Variants in DGKD observed in about 807,000 individuals in gnomAD.
DGKD encodes the protein diacylglycerol kinase delta, also known as DAG kinase delta.
In DGKD, 68 loss-of-function variants were observed where a neutral mutation model predicts 154.4. The observed-to-expected ratio is 0.44, with a 90% CI of 0.36 to 0.54. DGKD has a LOEUF of 0.54. Ranked by LOEUF, DGKD falls within the 20% of genes least tolerant of loss-of-function variation. DGKD has a pLI of 0.00. For missense variants in DGKD, 1,343 were observed against 1,593.6 expected (o/e 0.84, Z 2.68); for synonymous variants, 693 against 638.0 (o/e 1.09, Z -1.30).
chr2:233,462,840 C>T (rs1022983136), intron 26 of DGKD, 105 bp downstream of exon 26: 10 of 1,038,500 alleles, frequency 9.6e-6, no homozygotes, highest in African/African-American at 4.8e-5. Flanking sequence ...CCAGAGTTCC[C>T]GGTCTTAAGG....
At chr2:233,356,694 G>A (rs892390014) in intron 1 of DGKD, among the ~76,000 whole-genome samples, 19 of 152,244 alleles carry the variant, frequency 1.2e-4, no homozygotes, top group Middle Eastern at 3.4e-3. Flanking sequence ...AATACACCCC[G>A]AGGACTTAGA....
intron 3 of DGKD, chr2:233,429,382 C>A (rs1024595929): frequency 1.1e-6 from 1 of 943,542 alleles, no homozygotes; most frequent in African/African-American, 1.8e-5. Context: ...GTGAACAGTT[C>A]GGGACGTGTG....
intron 3 of DGKD, among the ~76,000 whole-genome samples, chr2:233,418,675 G>C (rs1441693898): frequency 6.6e-6 from 1 of 152,242 alleles, no homozygotes; most frequent in Non-Finnish European, 1.5e-5. Flanking sequence ...GCCTTGCTCT[G>C]ACTGTGCTGT....
chr2:233,430,644 A>G (rs553403940), intron 3 of DGKD, among the ~76,000 whole-genome samples: 1 of 152,250 alleles, frequency 6.6e-6, no homozygotes, highest in African/African-American at 2.4e-5. Context: ...TTGTTTGTAG[A>G]TTTGACTTTG....
rs1049877376 is a variant in DGKD at position 233,449,533 on chromosome 2, G to A, written c.1888+157G>A. 2.6e-5 allele frequency among the ~76,000 whole-genome samples: 4 copies of A among 152,058 alleles called. No individual in the cohort carries two copies. The highest frequency in any genetic ancestry group is 9.7e-5 in the African/African-American group (4 of 41,412). ...CAGGCACCAGACCCCCAACGAGTTCGCTTGCCCTCCTTCCACCCCTCCTCT... is the reference window on the plus strand; with the variant it reads ...CAGGCACCAGACCCCCAACGAGTTCACTTGCCCTCCTTCCACCCCTCCTCT... On this transcript the variant is annotated intron_variant, in intron 15 of 29. Transcript: ENST00000264057. The surrounding 1 kb of genome is among the most constrained non-coding windows in gnomAD (Gnocchi z 5.3).
At position 233,363,764 on chromosome 2, in the gene DGKD, C is replaced by T. The variant is rs142835480; in HGVS notation, c.156+9090C>T. 6.6e-5 allele frequency among the ~76,000 whole-genome samples: 10 copies of T among 152,282 alleles called. 1 individual carries two copies. The highest frequency in any genetic ancestry group is 6.2e-4 in the South Asian group (3 of 4,826). On this transcript the variant is annotated intron_variant, in intron 1 of 29. Transcript: ENST00000264057. ...TTCTATGTTTAGTTATATTTAGATA[C>T]GCAAATACTTGCCGTTGAGTTATAG...
intron 4 of DGKD, 140 bp from the exon 5 acceptor site, chr2:233,434,629 T>C: frequency 2.1e-6 from 3 of 1,458,646 alleles, no homozygotes; most frequent in South Asian, 2.4e-5. Flanking sequence ...AGCTTATTGC[T>C]TGTCCTCTCA....
intron 1 of DGKD, among the ~76,000 whole-genome samples, chr2:233,376,153 G>A (rs141263965): frequency 2.6e-5 from 4 of 152,170 alleles, no homozygotes; most frequent in African/African-American, 9.6e-5. Flanking sequence ...GGTTTGTTTC[G>A]CCTTTGGTGT....
At chr2:233,455,770 C>CA (rs757234157) in intron 19 of DGKD, among the ~76,000 whole-genome samples, 18 of 152,250 alleles carry the variant, frequency 1.2e-4, no homozygotes, top group African/African-American at 1.7e-4. Context: ...GCCATGCTGA[C>CA]ACCTGAGGGT....
intron 3 of DGKD, among the ~76,000 whole-genome samples, chr2:233,402,082 G>A (rs537334081): frequency 6.6e-6 from 1 of 151,966 alleles, no homozygotes; most frequent in Non-Finnish European, 1.5e-5. Flanking sequence ...CTGTGTGTAC[G>A]GGTCACCTGC....
chr2:233,376,828 A>C (rs529307951), intron 1 of DGKD, among the ~76,000 whole-genome samples: 6 of 152,246 alleles, frequency 3.9e-5, no homozygotes, highest in Admixed American at 2.0e-4. Context: ...AGCAAGTCAG[A>C]GCTCAGCCTC....
chr2:233,366,583 C>A (rs532713451), intron 1 of DGKD, among the ~76,000 whole-genome samples: 1 of 152,172 alleles, frequency 6.6e-6, no homozygotes, highest in Non-Finnish European at 1.5e-5. Flanking sequence ...TTATTCTCCA[C>A]TACCCCAGTT....
intron 1 of DGKD, among the ~76,000 whole-genome samples, chr2:233,370,861 C>A (rs1347700634): frequency 6.6e-6 from 1 of 152,024 alleles, no homozygotes; most frequent in Non-Finnish European, 1.5e-5. Flanking sequence ...AAGCAGTCCT[C>A]CCACCTCAGC....
At chr2:233,456,330 C>A (rs147820273) in intron 19 of DGKD, among the ~76,000 whole-genome samples, 2 of 152,262 alleles carry the variant, frequency 1.3e-5, no homozygotes, top group Non-Finnish European at 2.9e-5. Flanking sequence ...GAGCGTGTGG[C>A]CACAGAAGGA....
chr2:233,395,748 A>G (rs1703980884), intron 3 of DGKD, among the ~76,000 whole-genome samples: 1 of 150,688 alleles, frequency 6.6e-6, no homozygotes, highest in African/African-American at 2.4e-5. Context: ...CATTTACCGC[A>G]GCCTTGAAAT....
chr2:233,460,415 C>A (rs2063591441), intron 24 of DGKD, 70 bp downstream of exon 24: 1 of 1,564,258 alleles, frequency 6.4e-7, no homozygotes, highest in Non-Finnish European at 8.7e-7. Flanking sequence ...TCTTCCAAGG[C>A]CCCTGGGGCG....
chr2:233,361,697 C>G (rs2125376834), intron 1 of DGKD, among the ~76,000 whole-genome samples: 1 of 152,352 alleles, frequency 6.6e-6, no homozygotes, highest in East Asian at 1.9e-4. Flanking sequence ...CCTATAATCT[C>G]AGCACTTTTG....
At chr2:233,404,385 C>T (rs1351319746) in intron 3 of DGKD, among the ~76,000 whole-genome samples, 2 of 152,134 alleles carry the variant, frequency 1.3e-5, no homozygotes, top group Non-Finnish European at 2.9e-5. Context: ...TGAGTTTGTT[C>T]TCCCCTGCAG....
At chr2:233,454,304 C>T (rs961782012) in intron 18 of DGKD, 16 of 454,574 alleles carry the variant, frequency 3.5e-5, no homozygotes, top group Middle Eastern at 3.7e-4. Flanking sequence ...AAAAATGAAG[C>T]GCTAACACAT....
Sources: gnomAD v4.1 joint callset for allele counts (sites outside exome capture counted in the v4.1 genomes callset) on GRCh38, gnomAD v4.1.1 for gene constraint, Gnocchi (gnomAD v3.1) non-coding constraint, MANE v1.5 for transcripts, NCBI Gene and HGNC (gene_info 2026-07-23, HGNC 2026-07-21) for gene names.